Variants in ZBTB10 observed in about 807,000 individuals in gnomAD.
The protein encoded by ZBTB10 is zinc finger and BTB domain containing 10.
Under a neutral mutation model 76.4 loss-of-function variants are expected in ZBTB10, and 32 were observed. The observed-to-expected ratio is 0.42, with a 90% CI of 0.32 to 0.56. ZBTB10 has a LOEUF of 0.56. Among genes scored for constraint, ZBTB10 ranks in the 20% least tolerant of loss-of-function variants. The probability of loss-of-function intolerance (pLI) is 0.14; values close to 1 mark genes in which losing one functional copy is unlikely to be tolerated. For missense variants in ZBTB10, 1,057 were observed against 1,098.5 expected (o/e 0.96, Z 0.53); for synonymous variants, 523 against 432.9 (o/e 1.21, Z -2.58).
At position 80,519,630 on chromosome 8, in the gene ZBTB10, A is replaced by T. The variant is rs192521128; in HGVS notation, c.*102A>T. 4 of 1,291,772 alleles carry T rather than the reference A, an allele frequency of 3.1e-6. No homozygotes were observed. Among genetic ancestry groups the T allele is most frequent in the Admixed American group, 2.6e-5 (1 of 37,934 alleles). 80.0% of individuals were successfully genotyped at this position (1,291,772 alleles called of 1,614,324 possible). ...GCTTGCAAAATATGGTACATGCTGG[A>T]TAGTAGTTATGTTGCTGTGAAAACT... On this transcript the variant is annotated 3_prime_UTR_variant, in exon 6 of 6. Coordinates refer to ENST00000455036, the MANE Select transcript of ZBTB10 (RefSeq NM_001105539.3).
At position 80,497,119 on chromosome 8, in the gene ZBTB10, T is replaced by C. The variant is rs953374216; in HGVS notation, c.973-2375T>C. 3.3e-5 allele frequency among the ~76,000 whole-genome samples: 5 copies of C among 152,284 alleles called. No homozygotes were observed. In the South Asian group the frequency reaches 1.0e-3, roughly 32 times the overall value. ...TGGAAAGTTACACTGTCCAAGTAAT[T>C]GTTACAGGTGTTTTTAGTATCATTC... On this transcript the variant is annotated intron_variant, in intron 1 of 5. Transcript: ENST00000455036.
chr8:80,497,289 TTAAA>T, intron 1 of ZBTB10, among the ~76,000 whole-genome samples: 1 of 152,152 alleles, frequency 6.6e-6, no homozygotes, highest in African/African-American at 2.4e-5. Context: ...AGAGCTTAGG[TTAAA>T]TAAGTCTCAT....
intron 2 of ZBTB10, among the ~76,000 whole-genome samples, chr8:80,509,206 G>C (rs897133410): frequency 5.3e-5 from 8 of 152,142 alleles, no homozygotes; most frequent in Admixed American, 6.5e-5. Flanking sequence ...CTGTTTATGG[G>C]GGGGAAAAGC....
At chr8:80,493,186 C>CG (rs1191546622) in intron 1 of ZBTB10, among the ~76,000 whole-genome samples, 6 of 146,828 alleles carry the variant, frequency 4.1e-5, no homozygotes, top group South Asian at 2.2e-4. Context: ...CAAGACTGTG[C>CG]CTCAAAACGC....
chr8:80,502,159 C>T (rs1041513401), intron 2 of ZBTB10, among the ~76,000 whole-genome samples: 1 of 152,172 alleles, frequency 6.6e-6, no homozygotes, highest in South Asian at 2.1e-4. Context: ...TCAAGTATCT[C>T]CTAGCCATGG....
chr8:80,486,400 G>A lies in ZBTB10; in HGVS notation c.-411G>A. 9 of 986,914 alleles carry A rather than the reference G, an allele frequency of 9.1e-6. No homozygotes were observed. The highest frequency in any genetic ancestry group is 8.4e-6 in the Non-Finnish European group (7 of 831,618). 61.1% of individuals were successfully genotyped at this position (986,914 alleles called of 1,614,324 possible). On this transcript the variant is annotated 5_prime_UTR_variant, in exon 1 of 6. Transcript: ENST00000455036. ...CGCGCGGAGGAAGGATATCTGTGTG[G>A]AGGATCGGTGTGTGCGCGCGCGGCT...
rs1381749110 is a variant in ZBTB10 at position 80,521,550 on chromosome 8, C to A, written c.*2022C>A. ...TATATTAAAGAACAAAGATATATAT[C>A]TAAAAATCACCTAAATCTGCTTTAT... is the stretch of plus-strand genomic sequence containing the variant. On this transcript the variant is annotated 3_prime_UTR_variant, in exon 6 of 6. Coordinates refer to ENST00000455036, the MANE Select transcript of ZBTB10 (RefSeq NM_001105539.3). 6.6e-6 allele frequency: 1 copy of A among 151,624 alleles called. No individual in the cohort carries two copies. Among genetic ancestry groups the A allele is most frequent in the Non-Finnish European group, 1.5e-5 (1 of 67,710 alleles). The allele number at this position is 151,624 out of a possible 1,614,324, so 9.4% of individuals were successfully genotyped here. A position where few individuals can be genotyped will look rare whatever the true frequency, so the allele number is the denominator to read the frequency against.
At chr8:80,494,430 G>A (rs992187898) in intron 1 of ZBTB10, among the ~76,000 whole-genome samples, 7 of 152,134 alleles carry the variant, frequency 4.6e-5, no homozygotes, top group Non-Finnish European at 1.0e-4. Flanking sequence ...TTCTCTACAA[G>A]TTGGTGGCGT....
At chr8:80,512,637 G>A (rs952507923) in intron 2 of ZBTB10, among the ~76,000 whole-genome samples, 12 of 152,128 alleles carry the variant, frequency 7.9e-5, no homozygotes, top group African/African-American at 1.2e-4. Flanking sequence ...GGTTGAACCT[G>A]GGAGGCAGAG....
rs1816491834 is a variant in ZBTB10, at chr8:80,523,579, T to C, written c.*4051T>C. On this transcript the variant is annotated 3_prime_UTR_variant, in exon 6 of 6. Transcript: ENST00000455036. ...GGTACATAATATCCACACTTAGAAC[T>C]AACAGGTGTTTAGTCACTTTAGGAC... 1 of 151,138 alleles carries C rather than the reference T, an allele frequency of 6.6e-6. No homozygotes were observed. Among genetic ancestry groups the C allele is most frequent in the Admixed American group, 6.6e-5 (1 of 15,138 alleles). 9.4% of individuals were successfully genotyped at this position (151,138 alleles called of 1,614,324 possible).
upstream of ZBTB10, chr8:80,485,721 C>T: frequency 6.9e-7 from 1 of 1,459,036 alleles, no homozygotes; most frequent in Non-Finnish European, 9.2e-7. Context: ...ACCGCCTGGT[C>T]CAGTCTTTGT....
chr8:80,496,824 T>C (rs1438361830), intron 1 of ZBTB10, among the ~76,000 whole-genome samples: 1 of 152,222 alleles, frequency 6.6e-6, no homozygotes, highest in Non-Finnish European at 1.5e-5. Flanking sequence ...TTCATAGATA[T>C]ATGCTGCCAG....
At chr8:80,519,055 G>A (rs2131520223) in intron 5 of ZBTB10, 101 bp downstream of exon 5, 1 of 1,434,016 alleles carries the variant, frequency 7.0e-7, no homozygotes, top group East Asian at 2.5e-5. Flanking sequence ...AAGGAAGATT[G>A]TCTCCTAAAT....
In ZBTB10 at chr8:80,499,619, C is replaced by A. The variant is rs112588802; in HGVS notation, c.1098C>A (p.Val366=). 1.9e-6 allele frequency: 3 copies of A among 1,613,918 alleles called. No homozygotes were observed. Among genetic ancestry groups the A allele is most frequent in the South Asian group, 2.2e-5 (2 of 91,068 alleles). The part of the protein sequence containing the change: ...EQRKKGILCD[V]SIVVSGKIFK... ...GAAAGAAAGGTATTCTTTGTGATGT[C>A]AGCATTGTGGTAAGCGGAAAAATCT... Residue 366 remains valine (V), a synonymous_variant, in exon 2 of 6, where the codon GTC becomes GTA. Coordinates refer to ENST00000455036, the MANE Select transcript of ZBTB10 (RefSeq NM_001105539.3).
chr8:80,487,310 C>A lies in ZBTB10; in HGVS notation c.500C>A (p.Ala167Glu). The change falls in exon 1 of 6, where the codon GCG becomes GAG. Residue 167 changes from alanine to glutamate, a missense_variant. This residue lies in a region of ZBTB10 where 556 missense variants were observed against 451.7 expected (regional missense o/e 1.23). Coordinates refer to ENST00000455036, the MANE Select transcript of ZBTB10 (RefSeq NM_001105539.3). ...GPATVDLELDALEGKELMQDG... is the reference protein window; with the variant it reads ...GPATVDLELDELEGKELMQDG... ...GCGACTGTGGATCTGGAGCTGGACG[C>A]GCTGGAGGGGAAGGAGTTGATGCAG... 1.3e-6 allele frequency: 2 copies of A among 1,544,238 alleles called. No individual in the cohort carries two copies. The highest frequency in any genetic ancestry group is 1.7e-4 in the Middle Eastern group (1 of 5,976).
intron 1 of ZBTB10, among the ~76,000 whole-genome samples, chr8:80,496,515 GA>G (rs548402094): frequency 2.0e-5 from 3 of 150,240 alleles, no homozygotes; most frequent in African/African-American, 4.9e-5. Context: ...ATAGTAATGA[GA>G]AAAAAAAATA....
In ZBTB10 at chr8:80,499,621, G is replaced by C; in HGVS notation, c.1100G>C (p.Ser367Thr). 1.9e-6 allele frequency: 3 copies of C among 1,613,946 alleles called. No homozygotes were observed. The highest frequency in any genetic ancestry group is 2.5e-6 in the Non-Finnish European group (3 of 1,179,852). ...QRKKGILCDV[S>T]IVVSGKIFKA... ...AAGAAAGGTATTCTTTGTGATGTCA[G>C]CATTGTGGTAAGCGGAAAAATCTTC... Residue 367 changes from serine to threonine, a missense_variant, in exon 2 of 6, where the codon AGC (serine) becomes ACC (threonine). Physicochemically the swap from Ser to Thr is moderately conservative, Grantham distance 58. Transcript: ENST00000455036.
rs1315401893 is a variant in ZBTB10, at chr8:80,521,974, A to C, written c.*2446A>C. ...TAGGTAATCCAAAGGAAAAGTGTTT[A>C]TACTCTTGAATATATTAGCCTCAGC... On this transcript the variant is annotated 3_prime_UTR_variant, in exon 6 of 6. Transcript: ENST00000455036. The C allele has an allele frequency of 6.6e-6, 1 of 151,916 alleles. No individual in the cohort carries two copies. Among genetic ancestry groups the C allele is most frequent in the Non-Finnish European group, 1.5e-5 (1 of 67,812 alleles). 9.4% of individuals were successfully genotyped at this position (151,916 alleles called of 1,614,324 possible).
intron 2 of ZBTB10, among the ~76,000 whole-genome samples, chr8:80,507,496 T>G (rs1406422461): frequency 4.0e-5 from 6 of 151,532 alleles, no homozygotes; most frequent in African/African-American, 1.5e-4. Context: ...GCACATGTAG[T>G]CCCAGCTACT....
Sources: allele counts gnomAD v4.1 joint callset (sites outside exome capture counted in the v4.1 genomes callset), GRCh38; gene constraint gnomAD v4.1.1; regional missense constraint gnomAD v4.1.1; transcripts MANE v1.5; gene names NCBI Gene and HGNC (gene_info 2026-07-23, HGNC 2026-07-21).